The following IPMK variants were observed in gnomAD, a reference collection of about 807,000 sequenced individuals.
The protein encoded by IPMK is inositol polyphosphate multikinase.
Under a neutral mutation model 45.8 loss-of-function variants are expected in IPMK, and 17 were observed. The ratio of observed to expected loss-of-function variants is 0.37; its 90% CI spans 0.25 to 0.56. The LOEUF (loss-of-function observed/expected upper bound fraction) is 0.56. IPMK is among the 20% of genes least tolerant of loss of function. The pLI is 0.79. For missense variants in IPMK, 399 were observed against 498.0 expected, an observed-to-expected ratio of 0.80 and a Z score of 1.89; for synonymous variants, 180 against 184.3, an observed-to-expected ratio of 0.98 and a Z score of 0.19.
intron 1 of IPMK, among the ~76,000 whole-genome samples, chr10:58,249,059 C>G (rs1838845711): frequency 6.6e-6 from 1 of 152,178 alleles, no homozygotes; most frequent in Non-Finnish European, 1.5e-5. Context: ...AGCAGGAATG[C>G]TGGATCATAT....
intron 4 of IPMK, among the ~76,000 whole-genome samples, chr10:58,201,606 GTAACCCTCCAATTAATTAATTAA>G (rs1371198721): frequency 6.6e-6 from 1 of 151,702 alleles, no homozygotes; most frequent in Non-Finnish European, 1.5e-5. Context: ...TTAATAATTA[GTAACCCTCCAATTAATTAATTAA>G]TAACCCTCCA....
rs1454981084 is a variant in IPMK, at chr10:58,194,785, G to T, written c.*1291C>A. The T allele has an allele frequency of 1.3e-5, 2 of 151,898 alleles. No homozygotes were observed. Among genetic ancestry groups the T allele is most frequent in the Non-Finnish European group, 2.9e-5 (2 of 67,820 alleles). The allele number at this position is 151,898 out of a possible 1,614,324, so 9.4% of individuals were successfully genotyped here. A position where few individuals can be genotyped will look rare whatever the true frequency, so the allele number is the denominator to read the frequency against. ...GTGAATGGAAGTGCAAGTAATGGCA[G>T]CATTAACATCAAATGTATTTGAAGA... On this transcript the variant is annotated 3_prime_UTR_variant, in exon 6 of 6. Transcript: ENST00000373935.
At chr10:58,226,888 A>C (rs1838424252) in intron 3 of IPMK, among the ~76,000 whole-genome samples, 155 bp downstream of exon 3, 1 of 152,216 alleles carries the variant, frequency 6.6e-6, no homozygotes, top group Admixed American at 6.5e-5. Flanking sequence ...AAGTATTAAT[A>C]AGTTTCATTT....
chr10:58,205,990 A>G (rs982196245), intron 4 of IPMK, among the ~76,000 whole-genome samples: 2 of 152,240 alleles, frequency 1.3e-5, no homozygotes, highest in African/African-American at 4.8e-5. Context: ...ATACCTACAC[A>G]GAAACTTCTA....
chr10:58,267,523 T>G lies in IPMK; in HGVS notation c.89A>C (p.Glu30Ala). The G allele has an allele frequency of 6.2e-7, 1 of 1,612,960 alleles. No individual in the cohort carries two copies. Among genetic ancestry groups the G allele is most frequent in the Middle Eastern group, 1.7e-4 (1 of 6,000 alleles). ...GCCGCCCGCCGGCTGCGGGGTGCCC[T>G]CAGGGGTGGACTCGATCGCCGGTGA... ...RTSPAIESTP[E>A]GTPQPAGGRL... is the part of the protein sequence containing the mutation. Residue 30 changes from glutamate to alanine, a missense_variant, in exon 1 of 6, where the codon GAG (glutamate) becomes GCG (alanine). Physicochemically the swap from Glu to Ala is moderately radical, Grantham distance 107. Transcript: ENST00000373935.
At chr10:58,243,206 AC>A (rs1838722718) in intron 1 of IPMK, among the ~76,000 whole-genome samples, 1 of 152,196 alleles carries the variant, frequency 6.6e-6, no homozygotes, top group Non-Finnish European at 1.5e-5. Context: ...AGTGGAAGCA[AC>A]TTCTATGTCC....
chr10:58,243,106 G>T, intron 1 of IPMK, among the ~76,000 whole-genome samples: 1 of 152,044 alleles, frequency 6.6e-6, no homozygotes, highest in East Asian at 1.9e-4. Context: ...CTTTATAGCA[G>T]TGTGAAAATG....
chr10:58,260,437 A>G (rs1191506503), intron 1 of IPMK, among the ~76,000 whole-genome samples: 1 of 152,224 alleles, frequency 6.6e-6, no homozygotes, highest in Non-Finnish European at 1.5e-5. Context: ...TGGTTAGGTG[A>G]GAAAATTGTC....
At chr10:58,211,336 C>T (rs534759823) in intron 4 of IPMK, among the ~76,000 whole-genome samples, 1 of 152,068 alleles carries the variant, frequency 6.6e-6, no homozygotes, top group South Asian at 2.1e-4. Flanking sequence ...GGATTACAGG[C>T]GTGTGCCACC....
intron 4 of IPMK, among the ~76,000 whole-genome samples, chr10:58,210,185 G>A (rs1697055587): frequency 6.6e-6 from 1 of 152,232 alleles, no homozygotes; most frequent in South Asian, 2.1e-4. Context: ...GTGCTGTGCT[G>A]TATAGTTTGC....
At chr10:58,221,428 T>C (rs1056774937) in intron 3 of IPMK, among the ~76,000 whole-genome samples, 1 of 145,674 alleles carries the variant, frequency 6.9e-6, no homozygotes, top group African/African-American at 2.8e-5. Flanking sequence ...TAGTAAAGAT[T>C]ACTACAGTAA....
chr10:58,244,349 G>A (rs189781079), intron 1 of IPMK, among the ~76,000 whole-genome samples: 2,609 of 145,550 alleles, frequency 0.018, 41 homozygotes, highest in Middle Eastern at 0.031. Context: ...GCCTCTGCCC[G>A]GCCGCCCCCT....
chr10:58,202,995 T>C (rs964115212), intron 4 of IPMK, among the ~76,000 whole-genome samples: 3 of 152,358 alleles, frequency 2.0e-5, no homozygotes, highest in African/African-American at 4.8e-5. Context: ...CTGCCATTGA[T>C]AGTAATTCCT....
intron 1 of IPMK, among the ~76,000 whole-genome samples, chr10:58,240,223 A>G (rs1005403769): frequency 6.6e-6 from 1 of 152,172 alleles, no homozygotes; most frequent in African/African-American, 2.4e-5. Context: ...AAAAAACTCT[A>G]AAACTGAAAA....
At position 58,194,534 on chromosome 10, in the gene IPMK, G is replaced by C. The variant is rs972668760; in HGVS notation, c.*1542C>G. The stretch of plus-strand genomic sequence containing the variant: ...AAGGATAGAGTTCATAGAGCATTTA[G>C]TTGGTACTTCTGTTTGGACTCAGGT... On this transcript the variant is annotated 3_prime_UTR_variant, in exon 6 of 6. Coordinates refer to ENST00000373935, the MANE Select transcript of IPMK (RefSeq NM_152230.5). 6.6e-6 allele frequency: 1 copy of C among 151,868 alleles called. No homozygotes were observed. Among genetic ancestry groups the C allele is most frequent in the African/African-American group, 2.4e-5 (1 of 41,422 alleles). The allele number at this position is 151,868 out of a possible 1,614,324, so 9.4% of individuals were successfully genotyped here. A position where few individuals can be genotyped will look rare whatever the true frequency, so the allele number is the denominator to read the frequency against.
At chr10:58,211,919 A>AAATAAAATAAAAT (rs1554823050) in intron 4 of IPMK, among the ~76,000 whole-genome samples, 10 of 148,188 alleles carry the variant, frequency 6.7e-5, no homozygotes, top group African/African-American at 2.6e-4. Flanking sequence ...AAAAAAAAAA[A>AAATAAAATAAAAT]AAAAAATTTG....
chr10:58,194,502 A>C lies in IPMK; in HGVS notation c.*1574T>G, dbSNP rs1035746733. ...CTTTTAAATTATTCAGGTTTAATAG[A>C]TTTACTAAGGATAGAGTTCATAGAG... On this transcript the variant is annotated 3_prime_UTR_variant, in exon 6 of 6. Transcript: ENST00000373935. The C allele has an allele frequency of 6.6e-6, 1 of 151,882 alleles. No homozygotes were observed. The highest frequency in any genetic ancestry group is 2.4e-5 in the African/African-American group (1 of 41,430). 9.4% of individuals were successfully genotyped at this position (151,882 alleles called of 1,614,324 possible).
chr10:58,219,253 T>C (rs1436754413), intron 3 of IPMK, among the ~76,000 whole-genome samples: 1 of 152,214 alleles, frequency 6.6e-6, no homozygotes, highest in East Asian at 1.9e-4. Flanking sequence ...TCTTTCCCTC[T>C]GAGTTAAAAA....
At chr10:58,261,944 C>T (rs974283345) in intron 1 of IPMK, among the ~76,000 whole-genome samples, 4 of 152,006 alleles carry the variant, frequency 2.6e-5, no homozygotes, top group Non-Finnish European at 5.9e-5. Context: ...TCCTTTGTAG[C>T]GACATGGATG....
Sources: allele counts gnomAD v4.1 joint callset (sites outside exome capture counted in the v4.1 genomes callset), GRCh38; gene constraint gnomAD v4.1.1; transcripts MANE v1.5; gene names NCBI Gene and HGNC (gene_info 2026-07-23, HGNC 2026-07-21).